Variants in RAP1A observed in about 807,000 individuals in gnomAD.
RAP1A encodes the protein ras-related protein Rap-1A.
A neutral mutation model predicts 26.4 loss-of-function variants in RAP1A; 6 were observed. The observed-to-expected ratio is 0.23, with a 90% CI of 0.12 to 0.45. The LOEUF is 0.45. RAP1A is among the 20% of genes least tolerant of loss of function. RAP1A has a pLI of 0.99. For missense variants in RAP1A, 121 were observed against 217.2 expected (o/e 0.56, Z 2.78); for synonymous variants, 73 against 79.4 (o/e 0.92, Z 0.43).
At chr1:111,578,973 G>C (rs1010359962) in intron 1 of RAP1A, among the ~76,000 whole-genome samples, 4 of 152,174 alleles carry the variant, frequency 2.6e-5, no homozygotes, top group African/African-American at 9.7e-5. Context: ...TAGTACAAAC[G>C]ATATTACAAA....
At chr1:111,683,968 C>T (rs1418675827) in intron 1 of RAP1A, among the ~76,000 whole-genome samples, 1 of 152,186 alleles carries the variant, frequency 6.6e-6, no homozygotes, top group Non-Finnish European at 1.5e-5. Context: ...CCACTGCGAT[C>T]AAGTTGGCTT....
At chr1:111,639,728 G>A (rs763961865) in intron 1 of RAP1A, among the ~76,000 whole-genome samples, 2 of 152,152 alleles carry the variant, frequency 1.3e-5, no homozygotes, top group Non-Finnish European at 2.9e-5. Flanking sequence ...ATGGTAGTCA[G>A]TACCCAGGCA....
intron 1 of RAP1A, among the ~76,000 whole-genome samples, chr1:111,642,842 G>A (rs1659938270): frequency 7.3e-6 from 1 of 137,738 alleles, no homozygotes; most frequent in African/African-American, 2.7e-5. Context: ...CTGGAGTGTA[G>A]TGTGATCTTG....
chr1:111,632,596 G>A (rs1659599853), intron 1 of RAP1A, among the ~76,000 whole-genome samples: 1 of 152,214 alleles, frequency 6.6e-6, no homozygotes, highest in South Asian at 2.1e-4. Flanking sequence ...ATGGTTGAAG[G>A]AGTAGAATAC....
chr1:111,623,232 G>T (rs1659278602), intron 1 of RAP1A, among the ~76,000 whole-genome samples: 1 of 151,432 alleles, frequency 6.6e-6, no homozygotes, highest in Non-Finnish European at 1.5e-5. Flanking sequence ...CCCCATGTTG[G>T]CCAGGCTGAT....
At chr1:111,572,733 A>G (rs1304845902) in intron 1 of RAP1A, among the ~76,000 whole-genome samples, 1 of 152,220 alleles carries the variant, frequency 6.6e-6, no homozygotes. Context: ...ACTGGGACAC[A>G]GAACTTTCTC....
At chr1:111,618,025 G>C (rs1015366973), upstream of RAP1A, among the ~76,000 whole-genome samples, 3 of 139,824 alleles carry the variant, frequency 2.1e-5, no homozygotes, top group African/African-American at 5.4e-5. Context: ...CCTAGCAACA[G>C]AGCAAGACTC....
At chr1:111,685,823 A>T (rs1235577079) in intron 1 of RAP1A, among the ~76,000 whole-genome samples, 1 of 152,218 alleles carries the variant, frequency 6.6e-6, no homozygotes, top group East Asian at 1.9e-4. Flanking sequence ...ACACATGCAC[A>T]CATATGTTTA....
In RAP1A at chr1:111,658,381, A is replaced by G. The variant is rs76065866; in HGVS notation, c.-27-32953A>G. ...GTAAATAAATAAAGTAAATCATTCA[A>G]TTCAACCTTAGCTTATTGTAACTTT... On this transcript the variant is annotated intron_variant, in intron 1 of 7. Transcript: ENST00000369709. Among the ~76,000 whole-genome samples, 1,440 of 152,300 alleles carry G rather than the reference A, an allele frequency of 9.5e-3. 22 individuals are homozygous for G. The highest frequency in any genetic ancestry group is 0.033 in the African/African-American group (1,363 of 41,572).
At chr1:111,566,466 G>A (rs1206608859) in intron 1 of RAP1A, among the ~76,000 whole-genome samples, 1 of 152,126 alleles carries the variant, frequency 6.6e-6, no homozygotes, top group Non-Finnish European at 1.5e-5. Flanking sequence ...GGGTGTCCAA[G>A]CAAATGACTG....
At chr1:111,647,300 T>C (rs991834272) in intron 1 of RAP1A, among the ~76,000 whole-genome samples, 1 of 152,214 alleles carries the variant, frequency 6.6e-6, no homozygotes, top group African/African-American at 2.4e-5. Context: ...TGGGACTGTC[T>C]AGTTGCAGGA....
At chr1:111,680,266 AG>A (rs1661250681) in intron 1 of RAP1A, among the ~76,000 whole-genome samples, 1 of 152,192 alleles carries the variant, frequency 6.6e-6, no homozygotes, top group Non-Finnish European at 1.5e-5. Flanking sequence ...GAAAGAACAA[AG>A]TGTCCACATC....
chr1:111,580,278 T>C (rs1658229547), intron 1 of RAP1A, among the ~76,000 whole-genome samples: 2 of 152,158 alleles, frequency 1.3e-5, no homozygotes, highest in Admixed American at 1.3e-4. Context: ...GTGCCAAATA[T>C]TTGCATCGCC....
chr1:111,686,328 G>A (rs986420034), intron 1 of RAP1A, among the ~76,000 whole-genome samples: 12 of 152,092 alleles, frequency 7.9e-5, no homozygotes, highest in African/African-American at 2.9e-4. Flanking sequence ...GCTAGGCATG[G>A]TGGTTCACAC....
chr1:111,568,090 A>T (rs1391393743), intron 1 of RAP1A, among the ~76,000 whole-genome samples: 2 of 152,126 alleles, frequency 1.3e-5, no homozygotes, highest in Non-Finnish European at 2.9e-5. Context: ...GTGTCCTTTT[A>T]CCACATTGGG....
chr1:111,614,617 C>T (rs1658982874), intron 1 of RAP1A, among the ~76,000 whole-genome samples: 1 of 152,110 alleles, frequency 6.6e-6, no homozygotes, highest in Admixed American at 6.5e-5. Flanking sequence ...AGAAATGTAC[C>T]TAGTCTGTTT....
chr1:111,600,816 G>GT (rs1412120991), intron 1 of RAP1A, among the ~76,000 whole-genome samples: 1 of 152,226 alleles, frequency 6.6e-6, no homozygotes, highest in African/African-American at 2.4e-5. Flanking sequence ...TATCAGACTA[G>GT]TTTTAAAATC....
At chr1:111,609,638 C>T (rs954266597) in intron 1 of RAP1A, among the ~76,000 whole-genome samples, 1 of 151,848 alleles carries the variant, frequency 6.6e-6, no homozygotes, top group African/African-American at 2.4e-5. Context: ...TATTGATTGA[C>T]TTTTTTTTGT....
At chr1:111,641,041 A>C (rs757057431) in intron 1 of RAP1A, among the ~76,000 whole-genome samples, 1 of 152,232 alleles carries the variant, frequency 6.6e-6, no homozygotes, top group Non-Finnish European at 1.5e-5. Flanking sequence ...AAAAGTACAG[A>C]TCAAGAAAAG....
Sources: allele counts gnomAD v4.1 joint callset (sites outside exome capture counted in the v4.1 genomes callset), GRCh38; gene constraint gnomAD v4.1.1; transcripts MANE v1.5; gene names NCBI Gene and HGNC (gene_info 2026-07-23, HGNC 2026-07-21).